CFAP69: variants seen among roughly 807,000 people sequenced by gnomAD.
The protein encoded by CFAP69 is cilia and flagella associated protein 69.
Under a neutral mutation model 123.0 loss-of-function variants are expected in CFAP69, and 92 were observed. That is an observed-to-expected ratio of 0.75 (90% confidence interval 0.63 to 0.89). The LOEUF (loss-of-function observed/expected upper bound fraction) is 0.89. Ranked by LOEUF, CFAP69 falls within the 40% of genes least tolerant of loss-of-function variation. The probability of loss-of-function intolerance (pLI) is 0.00; values close to 1 mark genes in which losing one functional copy is unlikely to be tolerated. For missense variants in CFAP69, 1,067 were observed against 1,096.9 expected (o/e 0.97, Z 0.39); for synonymous variants, 380 against 364.3 (o/e 1.04, Z -0.49).
downstream of CFAP69, among the ~76,000 whole-genome samples, chr7:90,314,994 G>C (rs887345961): frequency 6.6e-6 from 1 of 151,808 alleles, no homozygotes; most frequent in African/African-American, 2.4e-5. Context: ...GCCAACAAGC[G>C]TATGAAAAAA....
At chr7:90,296,835 G>A (rs1376343360) in intron 15 of CFAP69, among the ~76,000 whole-genome samples, 1 of 152,166 alleles carries the variant, frequency 6.6e-6, no homozygotes, top group Non-Finnish European at 1.5e-5. Context: ...GTTGAAATGG[G>A]TAAGTTATTA....
At chr7:90,259,732 C>T (rs562207327) in intron 3 of CFAP69, among the ~76,000 whole-genome samples, 106 of 152,124 alleles carry the variant, frequency 7.0e-4, no homozygotes, top group African/African-American at 2.3e-3. Flanking sequence ...ACAATCCTCT[C>T]GCCTCGGCCT....
At chr7:90,252,315 T>C (rs1000441773) in intron 1 of CFAP69, among the ~76,000 whole-genome samples, 1 of 152,200 alleles carries the variant, frequency 6.6e-6, no homozygotes, top group Non-Finnish European at 1.5e-5. Flanking sequence ...CAATTTTTAA[T>C]GGTAACATAA....
rs1225449569 is a variant in CFAP69, at chr7:90,277,100, C to T, written c.1012C>T (p.Leu338=). The T allele has an allele frequency of 1.3e-6, 2 of 1,577,112 alleles. No individual in the cohort carries two copies. The highest frequency in any genetic ancestry group is 1.7e-6 in the Non-Finnish European group (2 of 1,160,482). Residue 338 remains leucine (L), a synonymous_variant, in exon 10 of 23, where the codon CTG becomes TTG. Transcript: ENST00000389297. ...ATGTGGCTTTACCAAGGATTTGATA[C>T]TGTTTGCCACCTTTAATGAAGGTAA... ...IECGFTKDLI[L]FATFNEVKSQ... is the part of the protein sequence containing the mutation.
intron 1 of CFAP69, among the ~76,000 whole-genome samples, chr7:90,250,235 A>G (rs935893785): frequency 1.5e-4 from 20 of 134,352 alleles, no homozygotes; most frequent in African/African-American, 4.3e-4. Context: ...AGAGAGAGAG[A>G]CTCCTTGGTT....
At chr7:90,295,158 ATTATTCC>A (rs1791754811) in intron 15 of CFAP69, among the ~76,000 whole-genome samples, 1 of 152,226 alleles carries the variant, frequency 6.6e-6, no homozygotes. Flanking sequence ...TGCAAGGCAG[ATTATTCC>A]AAAGAGAATA....
intron 16 of CFAP69, 129 bp downstream of exon 16, chr7:90,297,959 T>G: frequency 1.7e-6 from 1 of 589,116 alleles, no homozygotes; most frequent in East Asian, 3.4e-5. Flanking sequence ...AGGTACGGTC[T>G]TAAACAAAAT....
chr7:90,288,665 TA>T lies in CFAP69; in HGVS notation c.1775+322del, dbSNP rs559280648. 8.5e-3 allele frequency among the ~76,000 whole-genome samples: 1,289 copies of T among 151,622 alleles called. 13 individuals are homozygous for T. The highest frequency in any genetic ancestry group is 0.022 in the African/African-American group (916 of 41,386). The stretch of plus-strand genomic sequence containing the variant: ...TACAGTAAGACTACAGAATAAAAGA[TA>T]AAAAAAAATTCTTAACGCTTGTATA... On this transcript the variant is annotated intron_variant, in intron 15 of 22. Coordinates refer to ENST00000389297, the MANE Select transcript of CFAP69 (RefSeq NM_001039706.3).
chr7:90,245,684 C>A (rs1796242132), intron 1 of CFAP69, 140 bp downstream of exon 1: 5 of 1,152,420 alleles, frequency 4.3e-6, no homozygotes, highest in Non-Finnish European at 5.9e-6. Context: ...AGATTCCAAG[C>A]GCAGAGCTAA....
At chr7:90,251,480 G>T (rs1356743934) in intron 1 of CFAP69, among the ~76,000 whole-genome samples, 5 of 152,190 alleles carry the variant, frequency 3.3e-5, no homozygotes, top group African/African-American at 1.2e-4. Flanking sequence ...TGCAGCAGAG[G>T]TTGTTGGCCA....
intron 3 of CFAP69, among the ~76,000 whole-genome samples, chr7:90,259,401 CCTGTCTCAA>C (rs1798026900): frequency 1.3e-5 from 2 of 152,234 alleles, no homozygotes; most frequent in South Asian, 2.1e-4. Context: ...TGAGTGAGAC[CCTGTCTCAA>C]AAACAAACAA....
Position 90,279,852 on chromosome 7 carries a change from A to C in CFAP69, c.1331A>C (p.Asn444Thr), listed in dbSNP as rs1299113796. 1 of 1,610,912 alleles carries C rather than the reference A, an allele frequency of 6.2e-7. No individual in the cohort carries two copies. Among genetic ancestry groups the C allele is most frequent in the Non-Finnish European group, 8.5e-7 (1 of 1,179,224 alleles). Reference protein sequence around the residue: ...LIEEYMSCQGNARVLAFLEWC... With the variant: ...LIEEYMSCQGTARVLAFLEWC... Reference sequence around the variant, plus strand: ...GAAGAATACATGTCATGCCAGGGAAATGCTCGAGTCCTTGCATTTCTAGAA... The same window carrying C: ...GAAGAATACATGTCATGCCAGGGAACTGCTCGAGTCCTTGCATTTCTAGAA... Residue 444 changes from asparagine (N) to threonine (T), a missense_variant, in exon 12 of 23, where the codon AAT becomes ACT. Coordinates refer to ENST00000389297, the MANE Select transcript of CFAP69 (RefSeq NM_001039706.3).
In CFAP69 at chr7:90,274,058, A is replaced by G. The variant is rs1363336165; in HGVS notation, c.932A>G (p.Asp311Gly). 1 of 1,606,758 alleles carries G rather than the reference A, an allele frequency of 6.2e-7. No individual in the cohort carries two copies. Among genetic ancestry groups the G allele is most frequent in the Non-Finnish European group, 8.5e-7 (1 of 1,177,382 alleles). The change falls in exon 9 of 23, where the codon GAC (aspartate) becomes GGC (glycine). Residue 311 changes from aspartate to glycine, a missense_variant. Asp to Gly is a moderately conservative substitution (Grantham distance 94). Transcript: ENST00000389297. ...FSHYDRQLRN[D>G]ILVITTIIAQ... ...CATTATGACCGTCAGCTTAGAAATG[A>G]CATATTAGTGATCACTACAATTATA...
At chr7:90,287,959 G>A (rs1250489392) in intron 14 of CFAP69, among the ~76,000 whole-genome samples, 1 of 151,794 alleles carries the variant, frequency 6.6e-6, no homozygotes, top group Non-Finnish European at 1.5e-5. Flanking sequence ...CTTCTTTTAG[G>A]AGAAAGGGAA....
At chr7:90,248,004 T>G (rs1460898100) in intron 1 of CFAP69, among the ~76,000 whole-genome samples, 1 of 152,214 alleles carries the variant, frequency 6.6e-6, no homozygotes, top group Non-Finnish European at 1.5e-5. Context: ...GAACTAGAGC[T>G]CATAAAGTTA....
Position 90,265,285 on chromosome 7 carries a change from T to C in CFAP69, c.357-16T>C. ...TTATTAAAAATTACTGTTACAATTC[T>C]TCATTCTTATTGAAGCTTGCCATTT... On this transcript the variant is annotated splice_polypyrimidine_tract_variant and intron_variant, in intron 4 of 22. Transcript: ENST00000389297. 1 of 1,560,290 alleles carries C rather than the reference T, an allele frequency of 6.4e-7. No individual in the cohort carries two copies. The highest frequency in any genetic ancestry group is 8.8e-7 in the Non-Finnish European group (1 of 1,132,896).
At chr7:90,303,427 A>G (rs1276852225) in intron 17 of CFAP69, 1 of 341,362 alleles carries the variant, frequency 2.9e-6, no homozygotes, top group Non-Finnish European at 4.1e-6. Context: ...TCCATTCCAT[A>G]TAATGCTGGC....
intron 4 of CFAP69, among the ~76,000 whole-genome samples, chr7:90,262,294 T>C (rs1329888823): frequency 6.6e-6 from 1 of 152,194 alleles, no homozygotes; most frequent in Non-Finnish European, 1.5e-5. Flanking sequence ...TGTAATTAGT[T>C]ACTCTGAAGT....
chr7:90,288,072 CAAGT>C (rs1469630787), intron 14 of CFAP69, among the ~76,000 whole-genome samples, 158 bp from the exon 15 acceptor site: 4 of 151,760 alleles, frequency 2.6e-5, no homozygotes, highest in Non-Finnish European at 4.4e-5. Flanking sequence ...TTCCTGAGAA[CAAGT>C]AAGTACGGTT....
Sources: allele counts gnomAD v4.1 joint callset (sites outside exome capture counted in the v4.1 genomes callset), GRCh38; gene constraint gnomAD v4.1.1; transcripts MANE v1.5; gene names NCBI Gene and HGNC (gene_info 2026-07-23, HGNC 2026-07-21).